Variants in SGCZ observed in about 807,000 individuals in gnomAD.
SGCZ encodes the protein sarcoglycan zeta.
SGCZ carries 40 observed loss-of-function variants against 41.3 expected under a neutral mutation model. That is an observed-to-expected ratio of 0.97 (90% CI 0.75 to 1.26). SGCZ has a LOEUF of 1.26. Among genes scored for constraint, SGCZ ranks in the 50% most tolerant of loss-of-function variants. The pLI, the probability that SGCZ is intolerant of heterozygous loss-of-function variation, is 0.00. For synonymous variants in SGCZ, 206 were observed against 137.5 expected (o/e 1.50, Z -3.49); for missense variants, 552 against 369.8 (o/e 1.49, Z -4.04).
At chr8:14,459,428 A>C (rs1278174181) in intron 2 of SGCZ, among the ~76,000 whole-genome samples, 2 of 152,164 alleles carry the variant, frequency 1.3e-5, no homozygotes, top group Non-Finnish European at 2.9e-5. Flanking sequence ...AAAAAATAAA[A>C]TAAAAAATAA....
intron 1 of SGCZ, among the ~76,000 whole-genome samples, chr8:15,091,755 A>C (rs1322084511): frequency 2.0e-5 from 3 of 152,048 alleles, no homozygotes; most frequent in Non-Finnish European, 2.9e-5. Context: ...ATTTATTTTT[A>C]ATATTTATTT....
At chr8:14,116,325 C>T (rs1802521507) in intron 5 of SGCZ, among the ~76,000 whole-genome samples, 1 of 151,936 alleles carries the variant, frequency 6.6e-6, no homozygotes. Context: ...TCTCATGAAC[C>T]ACAATTTATT....
intron 2 of SGCZ, among the ~76,000 whole-genome samples, chr8:14,503,401 A>T (rs1802211501): frequency 6.6e-6 from 1 of 152,150 alleles, no homozygotes; most frequent in South Asian, 2.1e-4. Context: ...CTATGTAACA[A>T]ACCTGCACAT....
At chr8:14,624,924 G>T (rs1213214825) in intron 1 of SGCZ, among the ~76,000 whole-genome samples, 2 of 151,928 alleles carry the variant, frequency 1.3e-5, no homozygotes. Context: ...GTACACAAAA[G>T]GTATAGATCG....
intron 1 of SGCZ, among the ~76,000 whole-genome samples, chr8:15,032,006 A>G (rs1803689572): frequency 1.3e-5 from 2 of 151,898 alleles, no homozygotes; most frequent in Admixed American, 1.3e-4. Context: ...TGTCGGACAG[A>G]AAAAAGTATG....
intron 1 of SGCZ, among the ~76,000 whole-genome samples, chr8:14,624,534 C>G (rs956529113): frequency 1.4e-4 from 19 of 132,288 alleles, no homozygotes. Flanking sequence ...ATAAATATCA[C>G]TCCCCAATTT....
intron 3 of SGCZ, among the ~76,000 whole-genome samples, chr8:14,276,098 C>T (rs7833414): frequency 0.22 from 32,894 of 152,128 alleles, 3,757 homozygotes; most frequent in East Asian, 0.3. Flanking sequence ...GCAGGGGACA[C>T]ATATGTGAAA....
chr8:14,564,505 A>G (rs936790916), intron 1 of SGCZ, among the ~76,000 whole-genome samples: 9 of 152,182 alleles, frequency 5.9e-5, no homozygotes, highest in Admixed American at 4.6e-4. Flanking sequence ...GCTCAAATGC[A>G]TATTACATTG....
intron 2 of SGCZ, among the ~76,000 whole-genome samples, chr8:14,416,950 G>C (rs1465836134): frequency 6.6e-6 from 1 of 151,826 alleles, no homozygotes; most frequent in Non-Finnish European, 1.5e-5. Flanking sequence ...CGTGTTACCA[G>C]AAAGATCCAA....
intron 4 of SGCZ, among the ~76,000 whole-genome samples, chr8:14,172,151 T>C (rs1804402113): frequency 1.3e-5 from 2 of 152,128 alleles, no homozygotes; most frequent in Admixed American, 1.3e-4. Flanking sequence ...GACCTAGTGT[T>C]TTATGCAAGA....
chr8:14,254,532 G>T (rs138515656), intron 3 of SGCZ, among the ~76,000 whole-genome samples: 145 of 152,126 alleles, frequency 9.5e-4, no homozygotes, highest in African/African-American at 3.2e-3. Context: ...TGTTAAAAAA[G>T]ATTTTAAAAA....
At chr8:14,697,453 A>G (rs1809000805) in intron 1 of SGCZ, among the ~76,000 whole-genome samples, 1 of 152,086 alleles carries the variant, frequency 6.6e-6, no homozygotes, top group African/African-American at 2.4e-5. Flanking sequence ...TTCACTTACA[A>G]TACATTTGCA....
chr8:14,265,306 AT>A (rs1203151694), intron 3 of SGCZ, among the ~76,000 whole-genome samples: 1 of 152,174 alleles, frequency 6.6e-6, no homozygotes, highest in Non-Finnish European at 1.5e-5. Context: ...TCGCTCTAGT[AT>A]ATTGACTTTG....
At chr8:15,052,106 T>C (rs1804535876) in intron 1 of SGCZ, among the ~76,000 whole-genome samples, 1 of 152,186 alleles carries the variant, frequency 6.6e-6, no homozygotes, top group African/African-American at 2.4e-5. Flanking sequence ...AGTTGGGTTC[T>C]TTATTCCCAG....
At chr8:14,160,684 G>C (rs1019686640) in intron 5 of SGCZ, among the ~76,000 whole-genome samples, 5 of 152,122 alleles carry the variant, frequency 3.3e-5, no homozygotes, top group Admixed American at 2.6e-4. Flanking sequence ...ATGGGGTATT[G>C]ATAGATGGTG....
At chr8:14,620,150 C>A (rs1301205066) in intron 1 of SGCZ, among the ~76,000 whole-genome samples, 2 of 152,274 alleles carry the variant, frequency 1.3e-5, no homozygotes, top group East Asian at 3.9e-4. Context: ...CTACAACCAT[C>A]TGATCTTTGA....
At chr8:14,641,653 T>C (rs545425349) in intron 1 of SGCZ, among the ~76,000 whole-genome samples, 1 of 151,808 alleles carries the variant, frequency 6.6e-6, no homozygotes, top group South Asian at 2.1e-4. Context: ...ACAATCTTTC[T>C]CATTTTAAAA....
At position 14,304,060 on chromosome 8, in the gene SGCZ, A is replaced by AT. The variant is rs1346771269; in HGVS notation, c.336+20042dup. ...AGCCACTGCACCCGGCCAGTTTGCT[A>AT]TTTTTTAATAATGGCTTTACATTTG... On this transcript the variant is annotated intron_variant, in intron 3 of 7. Transcript: ENST00000382080. Among the ~76,000 whole-genome samples, 5 of 152,064 alleles carry AT rather than the reference A, an allele frequency of 3.3e-5. No homozygotes were observed. In the East Asian group the frequency reaches 7.8e-4, roughly 24 times the overall value.
intron 2 of SGCZ, among the ~76,000 whole-genome samples, chr8:14,385,905 T>G (rs1191947743): frequency 6.6e-6 from 1 of 152,164 alleles, no homozygotes; most frequent in East Asian, 1.9e-4. Flanking sequence ...AATGGCATAG[T>G]ATTTGCAAAT....
Sources: gnomAD v4.1 joint callset for allele counts (sites outside exome capture counted in the v4.1 genomes callset) on GRCh38, gnomAD v4.1.1 for gene constraint, MANE v1.5 for transcripts, NCBI Gene and HGNC (gene_info 2026-07-23, HGNC 2026-07-21) for gene names.